The following CLSTN2 variants were observed in gnomAD, a reference collection of about 807,000 sequenced individuals.
CLSTN2 encodes calsyntenin 2.
A neutral mutation model predicts 101.2 loss-of-function variants in CLSTN2; 48 were observed. That is an observed-to-expected ratio of 0.47 (90% CI 0.38 to 0.60). The LOEUF is 0.60. Ranked by LOEUF, CLSTN2 falls within the 20% of genes least tolerant of loss-of-function variation. The probability of loss-of-function intolerance (pLI) is 0.00; values close to 1 mark genes in which losing one functional copy is unlikely to be tolerated. For synonymous variants in CLSTN2, 481 were observed against 463.6 expected, an observed-to-expected ratio of 1.04 and a Z score of -0.48; for missense variants, 1,160 against 1,238.2, an observed-to-expected ratio of 0.94 and a Z score of 0.95.
At position 140,039,116 on chromosome 3, in the gene CLSTN2, C is replaced by T. The variant is rs1024647950; in HGVS notation, c.109+103633C>T. Among the ~76,000 whole-genome samples, 9 of 152,314 alleles carry T rather than the reference C, an allele frequency of 5.9e-5. No individual in the cohort carries two copies. The South Asian group carries it at 1.2e-3, about 21-fold the overall frequency. The stretch of plus-strand genomic sequence containing the variant: ...CCAGTGGTTGCATAATAGTCCATCA[C>T]TTACCTGTACCATAATTTATTTAAT... On this transcript the variant is annotated intron_variant, in intron 1 of 16. Coordinates refer to ENST00000458420, the MANE Select transcript of CLSTN2 (RefSeq NM_022131.3).
At chr3:140,220,629 C>G (rs1467496328) in intron 2 of CLSTN2, among the ~76,000 whole-genome samples, 1 of 152,232 alleles carries the variant, frequency 6.6e-6, no homozygotes, top group Non-Finnish European at 1.5e-5. Context: ...TCCATTCAAT[C>G]AGTAGAAATA....
intron 2 of CLSTN2, among the ~76,000 whole-genome samples, chr3:140,307,375 C>T (rs1456938286): frequency 6.6e-6 from 1 of 152,186 alleles, no homozygotes; most frequent in African/African-American, 2.4e-5. Flanking sequence ...CTGGGCACTC[C>T]TGCCCCTGTG....
intron 1 of CLSTN2, among the ~76,000 whole-genome samples, chr3:140,155,090 G>C (rs2009933698): frequency 6.6e-6 from 1 of 152,124 alleles, no homozygotes; most frequent in Admixed American, 6.5e-5. Context: ...AGCCTTGAGA[G>C]GGTCTAAACG....
In CLSTN2 at chr3:140,571,565, G is replaced by A. The variant is rs1401172095; in HGVS notation, c.*5312G>A. On this transcript the variant is annotated 3_prime_UTR_variant, in exon 17 of 17. Coordinates refer to ENST00000458420, the MANE Select transcript of CLSTN2 (RefSeq NM_022131.3). ...GGTACAGGATTCTGCATCTATATGAGACATTTATTGAGGCTGACAAGCAAA... is the reference window on the plus strand; with the variant it reads ...GGTACAGGATTCTGCATCTATATGAAACATTTATTGAGGCTGACAAGCAAA... 6.6e-6 allele frequency: 1 copy of A among 152,176 alleles called. No homozygotes were observed. Among genetic ancestry groups the A allele is most frequent in the African/African-American group, 2.4e-5 (1 of 41,430 alleles). The allele number at this position is 152,176 out of a possible 1,614,324, so 9.4% of individuals were successfully genotyped here.
chr3:140,256,081 G>A (rs1392128181), intron 2 of CLSTN2, among the ~76,000 whole-genome samples: 1 of 152,186 alleles, frequency 6.6e-6, no homozygotes, highest in Non-Finnish European at 1.5e-5. Context: ...GTCATGGATA[G>A]TGTGAGATAA....
At chr3:140,427,674 C>A (rs533701919) in intron 5 of CLSTN2, among the ~76,000 whole-genome samples, 1 of 152,106 alleles carries the variant, frequency 6.6e-6, no homozygotes, top group Non-Finnish European at 1.5e-5. Flanking sequence ...ATCCTCTAAA[C>A]GGGCTGCTAG....
chr3:140,011,482 A>G (rs535199486), intron 1 of CLSTN2, among the ~76,000 whole-genome samples: 1 of 152,300 alleles, frequency 6.6e-6, no homozygotes, highest in African/African-American at 2.4e-5. Flanking sequence ...ATGTGACCAG[A>G]CCAACTGCTG....
chr3:140,251,336 A>G (rs1367887021), intron 2 of CLSTN2, among the ~76,000 whole-genome samples: 1 of 152,210 alleles, frequency 6.6e-6, no homozygotes, highest in Non-Finnish European at 1.5e-5. Flanking sequence ...CTATTACAAA[A>G]GTGCTATGGG....
chr3:140,196,706 C>T (rs1009196299), intron 2 of CLSTN2, among the ~76,000 whole-genome samples: 3 of 152,208 alleles, frequency 2.0e-5, no homozygotes, highest in African/African-American at 7.2e-5. Context: ...GCTGTCCACT[C>T]TCATCTACTG....
intron 2 of CLSTN2, among the ~76,000 whole-genome samples, chr3:140,276,473 T>C (rs2086796607): frequency 6.6e-6 from 1 of 152,184 alleles, no homozygotes; most frequent in Non-Finnish European, 1.5e-5. Flanking sequence ...AAGTACTATC[T>C]GAGTCTGGCT....
chr3:140,450,293 G>A (rs559868900), intron 6 of CLSTN2, among the ~76,000 whole-genome samples: 90 of 152,308 alleles, frequency 5.9e-4, no homozygotes, highest in African/African-American at 1.3e-3. Flanking sequence ...TTTTAGCTCA[G>A]TATCCACTAA....
At chr3:140,347,025 T>G (rs2087555186) in intron 2 of CLSTN2, among the ~76,000 whole-genome samples, 1 of 152,214 alleles carries the variant, frequency 6.6e-6, no homozygotes, top group South Asian at 2.1e-4. Flanking sequence ...TTCACAACTT[T>G]TCTCTCTGAG....
chr3:140,134,938 A>G (rs997617048), intron 1 of CLSTN2, among the ~76,000 whole-genome samples: 3 of 151,826 alleles, frequency 2.0e-5, no homozygotes, highest in Non-Finnish European at 4.4e-5. Flanking sequence ...AGGTGACTAT[A>G]TGAACATTTT....
intron 2 of CLSTN2, among the ~76,000 whole-genome samples, chr3:140,376,219 T>A (rs1334200540): frequency 1.3e-5 from 2 of 152,054 alleles, no homozygotes. Context: ...CAATTCCAAA[T>A]GCAAAAAAGA....
intron 1 of CLSTN2, among the ~76,000 whole-genome samples, chr3:140,164,836 TTGAG>T (rs1448833722): frequency 6.6e-6 from 1 of 152,078 alleles, no homozygotes; most frequent in Non-Finnish European, 1.5e-5. Flanking sequence ...CTCTAAACAA[TTGAG>T]TATTTATGGG....
intron 10 of CLSTN2, among the ~76,000 whole-genome samples, chr3:140,549,657 G>A (rs1935669610): frequency 6.7e-6 from 1 of 149,006 alleles, no homozygotes; most frequent in East Asian, 2.0e-4. Context: ...TTCCATATCA[G>A]CAACTCAGAT....
At chr3:140,459,871 A>G in intron 7 of CLSTN2, 102 bp downstream of exon 7, 2 of 1,366,702 alleles carry the variant, frequency 1.5e-6, no homozygotes, top group East Asian at 4.6e-5. Context: ...TGTGGAAGAA[A>G]AGCAGGAGCC....
At chr3:140,292,781 G>A (rs2086967663) in intron 2 of CLSTN2, among the ~76,000 whole-genome samples, 2 of 152,320 alleles carry the variant, frequency 1.3e-5, no homozygotes, top group Admixed American at 6.5e-5. Context: ...GGAGAACTAC[G>A]CAAGATAATG....
At chr3:139,967,254 A>T (rs1484372501) in intron 1 of CLSTN2, among the ~76,000 whole-genome samples, 1 of 152,176 alleles carries the variant, frequency 6.6e-6, no homozygotes, top group Non-Finnish European at 1.5e-5. Flanking sequence ...CATGGGTGGG[A>T]GGCCTCCTGC....
Sources: allele counts gnomAD v4.1 joint callset (sites outside exome capture counted in the v4.1 genomes callset), GRCh38; gene constraint gnomAD v4.1.1; transcripts MANE v1.5; gene names NCBI Gene and HGNC (gene_info 2026-07-23, HGNC 2026-07-21).